The following LRRC34 variants were observed in gnomAD, a reference collection of about 807,000 sequenced individuals.
LRRC34 encodes leucine rich repeat containing 34, also known as leucine-rich repeat-containing protein 34.
A neutral mutation model predicts 48.5 loss-of-function variants in LRRC34; 44 were observed. The observed-to-expected ratio is 0.91, with a 90% confidence interval of 0.71 to 1.17. The LOEUF (loss-of-function observed/expected upper bound fraction) is 1.17, where lower values mean the gene tolerates loss of function less well. Among genes scored for constraint, LRRC34 ranks in the 50% most tolerant of loss-of-function variants. The pLI, the probability that LRRC34 is intolerant of heterozygous loss-of-function variation, is 0.00. For synonymous variants in LRRC34, 192 were observed against 197.6 expected, an observed-to-expected ratio of 0.97 and a Z score of 0.24; for missense variants, 502 against 563.0, an observed-to-expected ratio of 0.89 and a Z score of 1.10.
intron 6 of LRRC34, among the ~76,000 whole-genome samples, chr3:169,803,260 G>A (rs1250636955): frequency 6.6e-6 from 1 of 152,070 alleles, no homozygotes; most frequent in African/African-American, 2.4e-5. Context: ...CTGGAGTACA[G>A]TGGATGTTCA....
chr3:169,804,809 A>G (rs1284131889), intron 5 of LRRC34, among the ~76,000 whole-genome samples: 1 of 152,232 alleles, frequency 6.6e-6, no homozygotes, highest in African/African-American at 2.4e-5. Context: ...TGAAATTCAC[A>G]TAACATAAAA....
intron 10 of LRRC34, 25 bp downstream of exon 10, chr3:169,795,460 G>C: frequency 6.3e-7 from 1 of 1,581,458 alleles, no homozygotes; most frequent in African/African-American, 1.3e-5. Context: ...AAAGCCTTCA[G>C]TGAAGGAAAA....
In LRRC34 at chr3:169,807,455, C is replaced by G. The variant is rs1002792783; in HGVS notation, c.415G>C (p.Gly139Arg). The change falls in exon 4 of 11, where the codon GGT becomes CGT. Residue 139 changes from glycine to arginine, a missense_variant. Physicochemically the swap from Gly to Arg is moderately radical, Grantham distance 125. Coordinates refer to ENST00000446859, the MANE Select transcript of LRRC34 (RefSeq NM_001172779.2). ...AGCAGTTTCGCAGCATAGTATGCAC[C>G]AACATCACATAGAAGGTTATATCCA... ...DVGYNLLCDV[G>R]AYYAAKLLQK... 9 of 1,613,792 alleles carry G rather than the reference C, an allele frequency of 5.6e-6. No homozygotes were observed. Among genetic ancestry groups the G allele is most frequent in the Non-Finnish European group, 7.6e-6 (9 of 1,179,914 alleles).
intron 6 of LRRC34, among the ~76,000 whole-genome samples, chr3:169,801,463 G>A (rs1779189166): frequency 6.6e-6 from 1 of 152,090 alleles, no homozygotes; most frequent in Non-Finnish European, 1.5e-5. Context: ...GCTTCTTCTT[G>A]CCACCCTTTA....
chr3:169,794,487 A>G (rs1778918729), intron 10 of LRRC34: 1 of 150,216 alleles, frequency 6.7e-6, no homozygotes, highest in Non-Finnish European at 1.5e-5. Flanking sequence ...ATCTCGGCTC[A>G]CTGCAACCCC....
intron 2 of LRRC34, 143 bp downstream of exon 2, chr3:169,808,485 G>T: frequency 1.8e-6 from 1 of 562,544 alleles, no homozygotes; most frequent in East Asian, 3.2e-5. Flanking sequence ...TGTTGCTCGT[G>T]TACTTACTTA....
At chr3:169,795,192 T>G (rs1284013376) in intron 10 of LRRC34, 1 of 172,196 alleles carries the variant, frequency 5.8e-6, no homozygotes, top group Non-Finnish European at 1.2e-5. Flanking sequence ...GTATAATTAT[T>G]AGGGAGCAGA....
intron 7 of LRRC34, among the ~76,000 whole-genome samples, chr3:169,799,870 GC>G (rs1779130371): frequency 6.6e-6 from 1 of 152,082 alleles, no homozygotes; most frequent in African/African-American, 2.4e-5. Flanking sequence ...CTGCCACCAT[GC>G]CTGGCTAATT....
At chr3:169,800,623 G>T in intron 7 of LRRC34, 36 bp downstream of exon 7, 1 of 1,318,772 alleles carries the variant, frequency 7.6e-7, no homozygotes, top group Non-Finnish European at 1.0e-6. Flanking sequence ...TTTTATTCAT[G>T]TTGTTATATT....
intron 2 of LRRC34, 116 bp downstream of exon 2, chr3:169,808,512 T>C: frequency 4.8e-6 from 3 of 622,250 alleles, no homozygotes; most frequent in Admixed American, 6.2e-5. Flanking sequence ...TCAAATGGTA[T>C]GTTCATTTTA....
intron 5 of LRRC34, among the ~76,000 whole-genome samples, chr3:169,806,569 T>C (rs1193862339): frequency 1.3e-5 from 2 of 151,546 alleles, no homozygotes; most frequent in African/African-American, 2.4e-5. Context: ...ATAGTGATAG[T>C]AGTGATACTT....
chr3:169,804,738 C>T (rs967825212), intron 5 of LRRC34, among the ~76,000 whole-genome samples: 2 of 152,206 alleles, frequency 1.3e-5, no homozygotes, highest in African/African-American at 2.4e-5. Flanking sequence ...TAAACTTTCA[C>T]TGGAAAAATC....
intron 1 of LRRC34, among the ~76,000 whole-genome samples, chr3:169,809,734 T>C (rs1038734264): frequency 3.3e-5 from 5 of 152,184 alleles, no homozygotes; most frequent in African/African-American, 1.2e-4. Context: ...GCCTAGCTTT[T>C]TAGGAGCTGG....
In LRRC34 at chr3:169,796,357, A is replaced by C; in HGVS notation, c.921T>G (p.Thr307=). The change falls in exon 9 of 11, where the codon ACT becomes ACG. Residue 307 remains threonine, a synonymous_variant. Coordinates refer to ENST00000446859, the MANE Select transcript of LRRC34 (RefSeq NM_001172779.2). ...RYLDVSCNKI[T]HDGMVYLADV... ...CAGCCAAATACACCATTCCATCATGAGTTATTTTGTTGCTGGCAAAGGAAA... is the reference window on the plus strand; with the variant it reads ...CAGCCAAATACACCATTCCATCATGCGTTATTTTGTTGCTGGCAAAGGAAA... The C allele has an allele frequency of 1.2e-6, 2 of 1,600,738 alleles. No homozygotes were observed. The highest frequency in any genetic ancestry group is 1.7e-6 in the Non-Finnish European group (2 of 1,176,842).
At chr3:169,793,899 T>TA in intron 10 of LRRC34, 61 bp from the exon 11 acceptor site, 1 of 1,135,410 alleles carries the variant, frequency 8.8e-7, no homozygotes, top group East Asian at 2.5e-5. Context: ...TTACAGTGCT[T>TA]ACGGAAATTT....
chr3:169,810,340 T>C (rs1779518617), intron 1 of LRRC34, among the ~76,000 whole-genome samples: 1 of 152,348 alleles, frequency 6.6e-6, no homozygotes, highest in African/African-American at 2.4e-5. Flanking sequence ...CTATAGTTTT[T>C]CTTTTATATG....
Position 169,796,750 on chromosome 3 carries a change from G to T in LRRC34, c.903C>A (p.Val301=). The T allele has an allele frequency of 6.2e-7, 1 of 1,604,634 alleles. No homozygotes were observed. Among genetic ancestry groups the T allele is most frequent in the South Asian group, 1.1e-5 (1 of 88,470 alleles). The change falls in exon 8 of 11, where the codon GTC becomes GTA. Residue 301 remains valine, a synonymous_variant. Transcript: ENST00000446859. ...YLNSSLRYLD[V]SCNKITHDGM... is the part of the protein sequence containing the mutation. Reference sequence around the variant, plus strand: ...ATGTGTAAATTATCACTTACCAGCTGACATCAAGGTAGCGCAGGCTACTGT... The same window carrying T: ...ATGTGTAAATTATCACTTACCAGCTTACATCAAGGTAGCGCAGGCTACTGT...
chr3:169,797,920 G>A (rs1165832600), intron 7 of LRRC34, among the ~76,000 whole-genome samples: 1 of 152,100 alleles, frequency 6.6e-6, no homozygotes, highest in Non-Finnish European at 1.5e-5. Flanking sequence ...CTAATAAAAG[G>A]TACCTAGCAC....
chr3:169,809,102 C>G (rs1200338648), intron 1 of LRRC34, among the ~76,000 whole-genome samples: 1 of 151,844 alleles, frequency 6.6e-6, no homozygotes, highest in African/African-American at 2.4e-5. Flanking sequence ...TATATTTTGT[C>G]CAAAACCATG....
Sources: gnomAD v4.1 joint callset for allele counts (sites outside exome capture counted in the v4.1 genomes callset) on GRCh38, gnomAD v4.1.1 for gene constraint, MANE v1.5 for transcripts, NCBI Gene and HGNC (gene_info 2026-07-23, HGNC 2026-07-21) for gene names.